Variants in ILDR1 observed in about 807,000 individuals in gnomAD.
ILDR1 encodes immunoglobulin-like domain-containing receptor 1.
Under a neutral mutation model 62.4 loss-of-function variants are expected in ILDR1, and 56 were observed. That is an observed-to-expected ratio of 0.90 (90% CI 0.72 to 1.12). The LOEUF (loss-of-function observed/expected upper bound fraction) is 1.12, where lower values mean the gene tolerates loss of function less well. Ranked by LOEUF, ILDR1 falls within the 50% of genes most tolerant of loss-of-function variation. The probability of loss-of-function intolerance (pLI) is 0.00; values close to 1 mark genes in which losing one functional copy is unlikely to be tolerated. For missense variants in ILDR1, 736 were observed against 710.6 expected (o/e 1.04, Z -0.41); for synonymous variants, 284 against 277.8 (o/e 1.02, Z -0.22).
At chr3:121,990,441 T>C (rs552722074) in intron 7 of ILDR1, among the ~76,000 whole-genome samples, 1 of 152,364 alleles carries the variant, frequency 6.6e-6, no homozygotes, top group South Asian at 2.1e-4. Flanking sequence ...TTACAATTTC[T>C]TGTACAAAAT....
chr3:122,018,915 C>T (rs2071817486), intron 1 of ILDR1, among the ~76,000 whole-genome samples: 1 of 152,176 alleles, frequency 6.6e-6, no homozygotes, highest in Admixed American at 6.5e-5. Context: ...TACGTCCACC[C>T]CCACCACCCA....
chr3:122,027,111 C>T (rs1225761439), upstream of ILDR1, among the ~76,000 whole-genome samples: 1 of 152,118 alleles, frequency 6.6e-6, no homozygotes, highest in Non-Finnish European at 1.5e-5. Context: ...AAATTGTAAA[C>T]CGTTACTGAA....
the ILDR1 span, among the ~76,000 whole-genome samples, chr3:122,034,478 A>C: frequency 6.6e-6 from 1 of 152,214 alleles, no homozygotes; most frequent in Non-Finnish European, 1.5e-5. Flanking sequence ...ATACAGAAAA[A>C]CAAGACCAGA....
intron 3 of ILDR1, among the ~76,000 whole-genome samples, chr3:122,003,672 A>C (rs2071561163): frequency 6.6e-6 from 1 of 152,206 alleles, no homozygotes; most frequent in South Asian, 2.1e-4. Flanking sequence ...GACAGAAATA[A>C]AAACAGAGGA....
rs2071865874 is a variant in ILDR1 at position 122,022,078 on chromosome 3, G to A, written c.-1C>T. On this transcript the variant is annotated 5_prime_UTR_variant, in exon 1 of 8. Coordinates refer to ENST00000344209, the MANE Select transcript of ILDR1 (RefSeq NM_001199799.2). ...GTGCGGGCAGTTTGGGCCATGCCAT[G>A]CCGCCCCCTTTCTGGCCCTTTTCAG... The A allele has an allele frequency of 1.2e-6, 2 of 1,606,568 alleles. No homozygotes were observed. Among genetic ancestry groups the A allele is most frequent in the African/African-American group, 1.3e-5 (1 of 74,958 alleles).
the ILDR1 span, among the ~76,000 whole-genome samples, chr3:122,040,377 A>T: frequency 6.6e-6 from 1 of 152,024 alleles, no homozygotes; most frequent in Non-Finnish European, 1.5e-5. Flanking sequence ...GAAGTTGCAT[A>T]AAAAATATCC....
chr3:122,048,029 C>T, the ILDR1 span, among the ~76,000 whole-genome samples: 1 of 152,234 alleles, frequency 6.6e-6, no homozygotes, highest in Admixed American at 6.5e-5. Context: ...TACCTTGTTC[C>T]TCATCAAGGA....
At chr3:122,019,858 C>G (rs972467847) in intron 1 of ILDR1, among the ~76,000 whole-genome samples, 13 of 152,334 alleles carry the variant, frequency 8.5e-5, no homozygotes, top group Middle Eastern at 3.4e-3. Context: ...TGAACACACT[C>G]TAGTACAGGG....
At chr3:122,051,726 A>AAAC in the ILDR1 span, among the ~76,000 whole-genome samples, 11 of 152,034 alleles carry the variant, frequency 7.2e-5, no homozygotes, top group East Asian at 3.9e-4. Flanking sequence ...ACACACAAAC[A>AAAC]AACAACAACA....
At chr3:122,047,188 T>G in the ILDR1 span, among the ~76,000 whole-genome samples, 1 of 150,876 alleles carries the variant, frequency 6.6e-6, no homozygotes, top group East Asian at 2.0e-4. Flanking sequence ...GTGTGAGGTG[T>G]CAGTGTGCCC....
intron 1 of ILDR1, among the ~76,000 whole-genome samples, chr3:122,015,998 T>C (rs1395925199): frequency 6.6e-6 from 1 of 152,208 alleles, no homozygotes; most frequent in East Asian, 1.9e-4. Flanking sequence ...TGTCCATTTC[T>C]GTTAAGATAA....
intron 1 of ILDR1, chr3:122,007,437 A>G (rs2071632215): frequency 3.9e-6 from 2 of 512,108 alleles, no homozygotes; most frequent in Admixed American, 6.4e-5. Flanking sequence ...CAACAACAAT[A>G]TAAGGATTGT....
At chr3:122,036,067 G>C in the ILDR1 span, among the ~76,000 whole-genome samples, 1 of 152,172 alleles carries the variant, frequency 6.6e-6, no homozygotes, top group Admixed American at 6.5e-5. Context: ...GAACTTATTG[G>C]GAACTGGAGT....
At chr3:122,037,380 C>T in the ILDR1 span, among the ~76,000 whole-genome samples, 4 of 152,240 alleles carry the variant, frequency 2.6e-5, no homozygotes, top group Non-Finnish European at 5.9e-5. Context: ...TGGGAGCCCA[C>T]CCCTTGCATC....
the ILDR1 span, among the ~76,000 whole-genome samples, chr3:122,030,988 C>G: frequency 1.3e-5 from 2 of 152,216 alleles, no homozygotes; most frequent in Non-Finnish European, 2.9e-5. Context: ...AACATGTTTT[C>G]TATCTCAGCT....
the ILDR1 span, among the ~76,000 whole-genome samples, chr3:122,037,904 A>T: frequency 1.3e-5 from 2 of 152,040 alleles, no homozygotes; most frequent in Non-Finnish European, 2.9e-5. Flanking sequence ...ATGATGGCTT[A>T]AAAGTGTGTG....
Position 121,999,701 on chromosome 3 carries a change from C to G in ILDR1, c.646+1607G>C, listed in dbSNP as rs537787146. Among the ~76,000 whole-genome samples the G allele has an allele frequency of 4.6e-5, 7 of 152,286 alleles. No individual in the cohort carries two copies. The South Asian group carries it at 1.2e-3, about 27-fold the overall frequency. ...AGCCCCCAAATGACTAACAGACCCC[C>G]TCTTGGCCAAGGGGACCCCAGAGAA... On this transcript the variant is annotated intron_variant, in intron 5 of 7. Coordinates refer to ENST00000344209, the MANE Select transcript of ILDR1 (RefSeq NM_001199799.2).
At chr3:122,026,709 AAAC>A (rs146252745), upstream of ILDR1, among the ~76,000 whole-genome samples, 712 of 152,312 alleles carry the variant, frequency 4.7e-3, 5 homozygotes, top group African/African-American at 0.016. Context: ...GCCTAGAACA[AAAC>A]AATCTGGAGT....
the ILDR1 span, among the ~76,000 whole-genome samples, chr3:122,037,995 G>A: frequency 6.6e-6 from 1 of 151,950 alleles, no homozygotes; most frequent in African/African-American, 2.4e-5. Flanking sequence ...ATGGTAGGAT[G>A]TGCTTGCTCC....
Sources: allele counts gnomAD v4.1 joint callset (sites outside exome capture counted in the v4.1 genomes callset), GRCh38; gene constraint gnomAD v4.1.1; transcripts MANE v1.5; gene names NCBI Gene and HGNC (gene_info 2026-07-23, HGNC 2026-07-21).